Variants in RALGAPA2 observed in about 807,000 individuals in gnomAD.
RALGAPA2 encodes the protein ral GTPase-activating protein subunit alpha-2.
RALGAPA2 carries 139 observed loss-of-function variants against 230.4 expected under a neutral mutation model. The observed-to-expected ratio is 0.60, with a 90% CI of 0.53 to 0.69. RALGAPA2 has a LOEUF of 0.69. RALGAPA2 is among the 30% of genes least tolerant of loss of function. RALGAPA2 has a pLI of 0.00. For missense variants in RALGAPA2, 2,163 were observed against 2,276.0 expected, an observed-to-expected ratio of 0.95 and a Z score of 1.01; for synonymous variants, 847 against 837.8, an observed-to-expected ratio of 1.01 and a Z score of -0.19.
Position 20,668,420 on chromosome 20 carries a change from G to T in RALGAPA2, c.270+7816C>A, listed in dbSNP as rs565171014. ...TGTGTCTCAAAAAAAGAAAAGAAAA[G>T]AAAAGAAAAAAGTAACAAAGGATTG... On this transcript the variant is annotated intron_variant, in intron 3 of 39. Coordinates refer to ENST00000202677, the MANE Select transcript of RALGAPA2 (RefSeq NM_020343.4). Among the ~76,000 whole-genome samples the T allele has an allele frequency of 1.6e-4, 24 of 151,366 alleles. No homozygotes were observed. In the East Asian group the frequency reaches 2.3e-3, roughly 15 times the overall value.
At chr20:20,410,333 T>A (rs1447969997) in intron 38 of RALGAPA2, among the ~76,000 whole-genome samples, 1 of 152,222 alleles carries the variant, frequency 6.6e-6, no homozygotes, top group Admixed American at 6.5e-5. Flanking sequence ...GATAATATCT[T>A]AATAATCTTA....
intron 29 of RALGAPA2, 29 bp downstream of exon 29, chr20:20,524,801 A>G: frequency 6.6e-7 from 1 of 1,516,322 alleles, no homozygotes; most frequent in Non-Finnish European, 8.9e-7. Flanking sequence ...AAAAAACTAT[A>G]GGAAAAACTT....
At chr20:20,420,649 A>G (rs2060257287) in intron 37 of RALGAPA2, among the ~76,000 whole-genome samples, 1 of 152,164 alleles carries the variant, frequency 6.6e-6, no homozygotes, top group Admixed American at 6.5e-5. Context: ...GGTGAGGCAG[A>G]GAATGAGGCA....
In RALGAPA2 at chr20:20,447,407, C is replaced by T. The variant is rs76710870; in HGVS notation, c.5495+25422G>A. On this transcript the variant is annotated intron_variant, in intron 37 of 39. Coordinates refer to ENST00000202677, the MANE Select transcript of RALGAPA2 (RefSeq NM_020343.4). ...CAACACTAAAGGAAAAAGATGGTCC[C>T]GAAGAGAGGCCAAAATGGTTCAAGA... Among the ~76,000 whole-genome samples, 617 of 152,148 alleles carry T rather than the reference C, an allele frequency of 4.1e-3. 3 individuals are homozygous for T. The highest frequency in any genetic ancestry group is 0.014 in the African/African-American group (592 of 41,504).
intron 35 of RALGAPA2, among the ~76,000 whole-genome samples, chr20:20,502,571 C>T (rs2062408172): frequency 6.6e-6 from 1 of 152,194 alleles, no homozygotes; most frequent in Admixed American, 6.5e-5. Flanking sequence ...CCTGGTCTGC[C>T]TGTCACCGGA....
At position 20,556,090 on chromosome 20, in the gene RALGAPA2, CT is replaced by C. The variant is rs547600993; in HGVS notation, c.3157-9259del. 1.2e-3 allele frequency among the ~76,000 whole-genome samples: 176 copies of C among 152,210 alleles called. 1 individual carries two copies. Among genetic ancestry groups the C allele is most frequent in the African/African-American group, 4.0e-3 (165 of 41,530 alleles). On this transcript the variant is annotated intron_variant, in intron 23 of 39. Coordinates refer to ENST00000202677, the MANE Select transcript of RALGAPA2 (RefSeq NM_020343.4). Reference sequence around the variant, plus strand: ...TGGTGGCAAACAAGCCCTGGGCAACCTTTTTGCAATATATTTTTGCAGCAGC... The same window carrying C: ...TGGTGGCAAACAAGCCCTGGGCAACCTTTTGCAATATATTTTTGCAGCAGC...
chr20:20,594,142 G>T (rs1225083502), intron 16 of RALGAPA2, among the ~76,000 whole-genome samples: 1 of 152,164 alleles, frequency 6.6e-6, no homozygotes, highest in East Asian at 1.9e-4. Context: ...TTGAGATGGT[G>T]TGAAAAGAGA....
chr20:20,672,817 T>C (rs2068180888), intron 3 of RALGAPA2, among the ~76,000 whole-genome samples: 1 of 152,104 alleles, frequency 6.6e-6, no homozygotes, highest in Non-Finnish European at 1.5e-5. Flanking sequence ...GAAACATACA[T>C]ATACCAAGCA....
intron 34 of RALGAPA2, among the ~76,000 whole-genome samples, chr20:20,504,673 C>T (rs1431914184): frequency 6.6e-6 from 1 of 151,766 alleles, no homozygotes; most frequent in Non-Finnish European, 1.5e-5. Context: ...TTGCAGTGAG[C>T]CGAGATTGTG....
At chr20:20,487,604 G>C (rs935138388) in intron 36 of RALGAPA2, among the ~76,000 whole-genome samples, 4 of 152,150 alleles carry the variant, frequency 2.6e-5, no homozygotes, top group Non-Finnish European at 5.9e-5. Context: ...GGCCAGACAG[G>C]CTGTGTGAAA....
At chr20:20,579,033 C>G (rs1045209066) in intron 20 of RALGAPA2, among the ~76,000 whole-genome samples, 14 of 152,112 alleles carry the variant, frequency 9.2e-5, no homozygotes, top group African/African-American at 3.1e-4. Flanking sequence ...ACAGAGAATG[C>G]TGACAAAGCA....
chr20:20,597,234 G>A (rs1197685312), intron 16 of RALGAPA2, among the ~76,000 whole-genome samples: 2 of 152,026 alleles, frequency 1.3e-5, no homozygotes, highest in African/African-American at 4.8e-5. Flanking sequence ...GCCAAACAGG[G>A]GGTAAAATCA....
intron 24 of RALGAPA2, among the ~76,000 whole-genome samples, chr20:20,540,672 C>T (rs1217907990): frequency 6.6e-6 from 1 of 152,174 alleles, no homozygotes; most frequent in Non-Finnish European, 1.5e-5. Context: ...ATCTTGGCAA[C>T]ACTTCATGTG....
chr20:20,693,568 A>G (rs1173467766), intron 1 of RALGAPA2, among the ~76,000 whole-genome samples: 3 of 152,188 alleles, frequency 2.0e-5, no homozygotes, highest in Non-Finnish European at 2.9e-5. Context: ...CCACCCCTCT[A>G]ACTAAGGAGG....
intron 30 of RALGAPA2, among the ~76,000 whole-genome samples, chr20:20,521,588 C>G (rs1053515244): frequency 4.0e-4 from 61 of 152,272 alleles, no homozygotes; most frequent in African/African-American, 1.4e-3. Flanking sequence ...CTTATTTTCA[C>G]AAGATTAGTT....
At chr20:20,457,906 C>T (rs1312016121) in intron 37 of RALGAPA2, among the ~76,000 whole-genome samples, 9 of 152,168 alleles carry the variant, frequency 5.9e-5, no homozygotes, top group African/African-American at 1.4e-4. Context: ...GCCACGTGGG[C>T]ATCTGGGGAG....
Position 20,591,296 on chromosome 20 carries a change from T to A in RALGAPA2, c.2222A>T (p.Gln741Leu), listed in dbSNP as rs114385605. The change falls in exon 17 of 40, where the codon CAG becomes CTG. Residue 741 changes from glutamine (Q) to leucine (L), a missense_variant. Coordinates refer to ENST00000202677, the MANE Select transcript of RALGAPA2 (RefSeq NM_020343.4). ...TCCGGCTGCAGGTGCATTTTCTGAC[T>A]GTTGACACTCCTCCACTTCTGTGAG... Reference protein sequence around the residue: ...QKATEVEECQQSENAPAAGSG... With the variant: ...QKATEVEECQLSENAPAAGSG... The A allele has an allele frequency of 8.8e-4, 1,425 of 1,613,886 alleles. 14 individuals are homozygous for A. In the African/African-American group the frequency reaches 0.017, roughly 20 times the overall value.
At chr20:20,521,240 T>G in intron 30 of RALGAPA2, 140 bp from the exon 31 acceptor site, 2 of 609,494 alleles carry the variant, frequency 3.3e-6, no homozygotes, top group Non-Finnish European at 5.5e-6. Flanking sequence ...CTTAAATATC[T>G]TCTTGCTATT....
intron 1 of RALGAPA2, among the ~76,000 whole-genome samples, chr20:20,683,537 C>T (rs950805934): frequency 6.6e-6 from 1 of 152,214 alleles, no homozygotes; most frequent in African/African-American, 2.4e-5. Flanking sequence ...CGAACATATT[C>T]TTCACTTGGG....
Sources: allele counts gnomAD v4.1 joint callset (sites outside exome capture counted in the v4.1 genomes callset), GRCh38; gene constraint gnomAD v4.1.1; transcripts MANE v1.5; gene names NCBI Gene and HGNC (gene_info 2026-07-23, HGNC 2026-07-21).